Variants in THEMIS observed in about 807,000 individuals in gnomAD.
The protein encoded by THEMIS is thymocyte selection associated.
In THEMIS, 37 loss-of-function variants were observed where a neutral mutation model predicts 52.6. The observed-to-expected ratio is 0.70, with a 90% confidence interval of 0.54 to 0.93. The LOEUF (loss-of-function observed/expected upper bound fraction) is 0.93, where lower values mean the gene tolerates loss of function less well. Ranked by LOEUF, THEMIS falls within the 40% of genes least tolerant of loss-of-function variation. The pLI is 0.00. For synonymous variants in THEMIS, 292 were observed against 272.7 expected (o/e 1.07, Z -0.70); for missense variants, 808 against 763.1 (o/e 1.06, Z -0.69).
chr6:127,710,165 A>AC, intron 5 of THEMIS, 149 bp from the exon 6 acceptor site: 9 of 512,860 alleles, frequency 1.8e-5, no homozygotes, highest in Non-Finnish European at 2.0e-5. Flanking sequence ...AGCAAAATAA[A>AC]GAAAAAAAAA....
intron 1 of THEMIS, among the ~76,000 whole-genome samples, chr6:127,871,294 T>A (rs2114383978): frequency 6.6e-6 from 1 of 152,020 alleles, no homozygotes; most frequent in African/African-American, 2.4e-5. Flanking sequence ...CCTATATACA[T>A]ACACATACAC....
chr6:127,751,311 C>A (rs150949811), intron 4 of THEMIS, among the ~76,000 whole-genome samples: 2 of 151,710 alleles, frequency 1.3e-5, no homozygotes, highest in African/African-American at 2.4e-5. Flanking sequence ...ACTACAAGAT[C>A]TTTTACGTAA....
intron 1 of THEMIS, among the ~76,000 whole-genome samples, chr6:127,859,966 C>T (rs578045533): frequency 2.0e-5 from 3 of 152,232 alleles, no homozygotes; most frequent in South Asian, 2.1e-4. Context: ...AGGAGCATCC[C>T]TCTAAAGGAA....
chr6:127,820,665 C>T (rs1778307182), intron 3 of THEMIS, among the ~76,000 whole-genome samples: 1 of 152,056 alleles, frequency 6.6e-6, no homozygotes, highest in Non-Finnish European at 1.5e-5. Context: ...ACCTTTCTTT[C>T]TATACTAAGT....
At chr6:127,734,423 A>G (rs1454022005) in intron 4 of THEMIS, among the ~76,000 whole-genome samples, 2 of 152,180 alleles carry the variant, frequency 1.3e-5, no homozygotes, top group Non-Finnish European at 2.9e-5. Context: ...ATTGGTCCTG[A>G]GTTAACGGTT....
At chr6:127,878,393 C>CTTCAA (rs1780378421) in intron 1 of THEMIS, among the ~76,000 whole-genome samples, 1 of 152,010 alleles carries the variant, frequency 6.6e-6, no homozygotes, top group Non-Finnish European at 1.5e-5. Context: ...CTTCAAAAGA[C>CTTCAA]AGCTGGGACT....
chr6:127,722,630 A>G (rs1437522414), intron 4 of THEMIS, among the ~76,000 whole-genome samples: 6 of 151,992 alleles, frequency 3.9e-5, no homozygotes, highest in African/African-American at 1.2e-4. Flanking sequence ...TGTGAATGAT[A>G]CTGCCTGCTT....
chr6:127,858,274 G>A (rs916126788), intron 1 of THEMIS, among the ~76,000 whole-genome samples: 1 of 151,858 alleles, frequency 6.6e-6, no homozygotes, highest in Non-Finnish European at 1.5e-5. Flanking sequence ...TTTCCTTTTG[G>A]AAGAAAAAAG....
At chr6:127,790,690 C>T (rs1404984846) in intron 4 of THEMIS, among the ~76,000 whole-genome samples, 1 of 152,188 alleles carries the variant, frequency 6.6e-6, no homozygotes, top group Non-Finnish European at 1.5e-5. Context: ...CTCGGCCTGG[C>T]AGCCTGAACT....
chr6:127,870,642 A>G (rs1263159478), intron 1 of THEMIS, among the ~76,000 whole-genome samples: 2 of 152,188 alleles, frequency 1.3e-5, no homozygotes, highest in African/African-American at 4.8e-5. Context: ...TGGATGGAAA[A>G]TGATATATCA....
the THEMIS span, among the ~76,000 whole-genome samples, chr6:127,702,077 A>G: frequency 6.6e-6 from 1 of 151,800 alleles, no homozygotes; most frequent in Non-Finnish European, 1.5e-5. Context: ...ATATCCTTTT[A>G]CCAAGAATTC....
At chr6:127,781,239 C>T (rs754086448) in intron 4 of THEMIS, among the ~76,000 whole-genome samples, 2 of 151,462 alleles carry the variant, frequency 1.3e-5, no homozygotes, top group Non-Finnish European at 2.9e-5. Context: ...TTTTCAGCTC[C>T]ATCAGGTCAT....
At chr6:127,724,762 A>G (rs987611954) in intron 4 of THEMIS, among the ~76,000 whole-genome samples, 3 of 152,048 alleles carry the variant, frequency 2.0e-5, no homozygotes, top group Non-Finnish European at 4.4e-5. Flanking sequence ...TAATGATGAA[A>G]TTATAATGTA....
At chr6:127,887,899 C>T (rs1181399246) in intron 1 of THEMIS, among the ~76,000 whole-genome samples, 1 of 152,060 alleles carries the variant, frequency 6.6e-6, no homozygotes, top group Non-Finnish European at 1.5e-5. Flanking sequence ...GACATAAAAA[C>T]ATGCTATACC....
chr6:127,795,765 G>A (rs1004408014), intron 4 of THEMIS, among the ~76,000 whole-genome samples: 1 of 152,212 alleles, frequency 6.6e-6, no homozygotes, highest in Non-Finnish European at 1.5e-5. Context: ...TGGTGCAAAA[G>A]TAATTGCAGT....
intron 1 of THEMIS, among the ~76,000 whole-genome samples, chr6:127,883,097 C>G (rs967979220): frequency 6.6e-6 from 1 of 151,846 alleles, no homozygotes; most frequent in Non-Finnish European, 1.5e-5. Context: ...ACAAGACAAA[C>G]GTAGTTACTA....
intron 3 of THEMIS, among the ~76,000 whole-genome samples, chr6:127,824,220 G>T (rs1364737922): frequency 6.6e-6 from 1 of 152,138 alleles, no homozygotes; most frequent in African/African-American, 2.4e-5. Context: ...TCCGAAACCA[G>T]ACATAGGTGA....
At chr6:127,807,631 C>T (rs907960212) in intron 4 of THEMIS, among the ~76,000 whole-genome samples, 10 of 152,210 alleles carry the variant, frequency 6.6e-5, no homozygotes, top group East Asian at 3.9e-4. Flanking sequence ...CTATATTACA[C>T]GAAAAGGACC....
chr6:127,886,670 G>A (rs113590718), intron 1 of THEMIS, among the ~76,000 whole-genome samples: 2 of 152,092 alleles, frequency 1.3e-5, no homozygotes, highest in South Asian at 2.1e-4. Context: ...GGACATGAAA[G>A]TATAGATGAA....
Sources: allele counts gnomAD v4.1 joint callset (sites outside exome capture counted in the v4.1 genomes callset), GRCh38; gene constraint gnomAD v4.1.1; transcripts MANE v1.5; gene names NCBI Gene and HGNC (gene_info 2026-07-23, HGNC 2026-07-21).